Variants in QTRT2 observed in about 807,000 individuals in gnomAD.
QTRT2 encodes queuine tRNA-ribosyltransferase accessory subunit 2.
QTRT2 carries 32 observed loss-of-function variants against 44.8 expected under a neutral mutation model. The ratio of observed to expected loss-of-function variants is 0.71; its 90% CI spans 0.54 to 0.96. The LOEUF is 0.96. Ranked by LOEUF, QTRT2 falls within the 40% of genes least tolerant of loss-of-function variation. QTRT2 has a pLI of 0.00. For missense variants in QTRT2, 461 were observed against 503.1 expected (o/e 0.92, Z 0.80); for synonymous variants, 182 against 187.4 (o/e 0.97, Z 0.24).
chr3:114,079,896 A>T lies in QTRT2; in HGVS notation c.747-10A>T, dbSNP rs776790290. ...TCCTCATGTCACTGTTCTTATTCTTACTTTTACAGGCTCATATCTGGTGTT... is the reference window on the plus strand; with the variant it reads ...TCCTCATGTCACTGTTCTTATTCTTTCTTTTACAGGCTCATATCTGGTGTT... On this transcript the variant is annotated splice_polypyrimidine_tract_variant and intron_variant, in intron 7 of 9. Coordinates refer to ENST00000281273, the MANE Select transcript of QTRT2 (RefSeq NM_024638.4). 32 of 1,612,110 alleles carry T rather than the reference A, an allele frequency of 2.0e-5. No individual in the cohort carries two copies. The highest frequency in any genetic ancestry group is 2.4e-5 in the Non-Finnish European group (28 of 1,178,924).
In QTRT2 at chr3:114,070,942, C is replaced by A; in HGVS notation, c.546+104C>A. 3.7e-6 allele frequency: 3 copies of A among 804,732 alleles called. No individual in the cohort carries two copies. In the South Asian group the frequency reaches 5.0e-5, roughly 14 times the overall value. The allele number at this position is 804,732 out of a possible 1,614,324, so 49.8% of individuals were successfully genotyped here. ...CTTCCTCCTACTGCTGTGCTCCTCACTTCTTTGTCTATTTTACTCTCTATT... is the reference window on the plus strand; with the variant it reads ...CTTCCTCCTACTGCTGTGCTCCTCAATTCTTTGTCTATTTTACTCTCTATT... On this transcript the variant is annotated intron_variant, in intron 6 of 9. Transcript: ENST00000281273.
intron 7 of QTRT2, chr3:114,078,127 A>G (rs1273055848): frequency 6.6e-6 from 1 of 152,268 alleles, no homozygotes; most frequent in African/African-American, 2.4e-5. Flanking sequence ...CCATCACCTT[A>G]GCCAGCCTTT....
intron 9 of QTRT2, among the ~76,000 whole-genome samples, chr3:114,083,293 TTGTTGTTGC>T (rs1317234586): frequency 3.7e-5 from 5 of 133,676 alleles, no homozygotes; most frequent in Admixed American, 8.0e-5. Flanking sequence ...GTTGCTGTTG[TTGTTGTTGC>T]TGTTGCTGCT....
At position 114,076,750 on chromosome 3, in the gene QTRT2, A is replaced by G. The variant is rs1012248841; in HGVS notation, c.554A>G (p.Gln185Arg). The G allele has an allele frequency of 6.2e-7, 1 of 1,614,102 alleles. No homozygotes were observed. Among genetic ancestry groups the G allele is most frequent in the Non-Finnish European group, 8.5e-7 (1 of 1,179,932 alleles). Residue 185 changes from glutamine (Q) to arginine (R), a missense_variant, in exon 7 of 10, where the codon CAG (glutamine) becomes CGG (arginine). Transcript: ENST00000281273. ...LRLQEESEVL[Q>R]KSVIIGVIEG... ...TCATCCTTCTTACCTCAGGTTCTTC[A>G]GAAGAGTGTGATCATTGGAGTGATT...
chr3:114,067,137 CA>C (rs1324182423), intron 4 of QTRT2, among the ~76,000 whole-genome samples: 9 of 152,100 alleles, frequency 5.9e-5, no homozygotes, highest in Non-Finnish European at 1.0e-4. Flanking sequence ...TTGGTTATCA[CA>C]AAGCCCTGTA....
intron 5 of QTRT2, among the ~76,000 whole-genome samples, 180 bp from the exon 6 acceptor site, chr3:114,070,446 T>C (rs2077009600): frequency 6.6e-6 from 1 of 152,072 alleles, no homozygotes; most frequent in Non-Finnish European, 1.5e-5. Flanking sequence ...AAAAGTTGTC[T>C]TATATGACCA....
chr3:114,064,208 C>G (rs750261852), intron 2 of QTRT2, among the ~76,000 whole-genome samples: 1 of 151,742 alleles, frequency 6.6e-6, no homozygotes, highest in African/African-American at 2.4e-5. Context: ...GAGCGAGATT[C>G]TGTGTCCAAA....
Position 114,068,920 on chromosome 3 carries a change from A to G in QTRT2, c.333+857A>G, listed in dbSNP as rs150561578. ...AAAAATTAGCCAGGTGTGGTGGCAC[A>G]CGCCTATAATCCCAGCTACTTGGGA... is the stretch of plus-strand genomic sequence containing the variant. On this transcript the variant is annotated intron_variant, in intron 5 of 9. Transcript: ENST00000281273. Among the ~76,000 whole-genome samples, 1,283 of 152,236 alleles carry G rather than the reference A, an allele frequency of 8.4e-3. 17 individuals carry two copies. Among genetic ancestry groups the G allele is most frequent in the Non-Finnish European group, 0.01 (704 of 68,006 alleles).
At chr3:114,084,319 G>T (rs1190889972) in intron 9 of QTRT2, among the ~76,000 whole-genome samples, 3 of 152,058 alleles carry the variant, frequency 2.0e-5, no homozygotes, top group East Asian at 1.9e-4. Context: ...TTTAATAGTT[G>T]ATTAAAGGTA....
At position 114,068,020 on chromosome 3, in the gene QTRT2, A is replaced by C. The variant is rs781048404; in HGVS notation, c.290A>C (p.His97Pro). 6.2e-7 allele frequency: 1 copy of C among 1,613,918 alleles called. No homozygotes were observed. The highest frequency in any genetic ancestry group is 1.1e-5 in the South Asian group (1 of 91,070). Residue 97 changes from histidine (H) to proline (P), a missense_variant, in exon 5 of 10, where the codon CAC (histidine) becomes CCC (proline). Physicochemically the swap from His to Pro is moderately conservative, Grantham distance 77. Coordinates refer to ENST00000281273, the MANE Select transcript of QTRT2 (RefSeq NM_024638.4). ...MPESLLYCSL[H>P]DPVSPCPAGY... ...GAATCACTCTTGTACTGCTCCCTGC[A>C]CGATCCAGTCAGCCCCTGCCCGGCT...
intron 8 of QTRT2, 40 bp from the exon 9 acceptor site, chr3:114,082,637 C>A (rs774798670): frequency 2.5e-6 from 2 of 785,160 alleles, no homozygotes; most frequent in South Asian, 1.7e-5. Context: ...CACTTCTTAT[C>A]TGATCATCAT....
Position 114,065,808 on chromosome 3 carries a change from A to G in QTRT2, c.200+351A>G, listed in dbSNP as rs192991161. ...CTCAAAGTTTTTTCTGCCTTTGCACATATACTTGCTAATACTACTTTATGG... is the reference window on the plus strand; with the variant it reads ...CTCAAAGTTTTTTCTGCCTTTGCACGTATACTTGCTAATACTACTTTATGG... On this transcript the variant is annotated intron_variant, in intron 3 of 9. Coordinates refer to ENST00000281273, the MANE Select transcript of QTRT2 (RefSeq NM_024638.4). 2.1e-3 allele frequency among the ~76,000 whole-genome samples: 311 copies of G among 150,912 alleles called. 16 individuals are homozygous for G. The highest frequency in any genetic ancestry group is 0.02 in the Admixed American group (304 of 15,262).
chr3:114,066,204 T>A (rs772125337), intron 3 of QTRT2, 24 bp from the exon 4 acceptor site: 1 of 1,537,164 alleles, frequency 6.5e-7, no homozygotes, highest in Non-Finnish European at 9.0e-7. Flanking sequence ...TATTATGTTA[T>A]GTATTTTTCT....
intron 2 of QTRT2, among the ~76,000 whole-genome samples, chr3:114,064,012 C>T (rs1425055667): frequency 2.0e-5 from 3 of 151,906 alleles, no homozygotes; most frequent in South Asian, 2.1e-4. Context: ...GTCAGGAGTT[C>T]GAGACCAGCC....
intron 7 of QTRT2, chr3:114,077,244 A>G (rs1229476014): frequency 6.6e-6 from 2 of 304,086 alleles, no homozygotes; most frequent in Non-Finnish European, 1.2e-5. Flanking sequence ...AATTACAAAT[A>G]TTGTTGTTAT....
chr3:114,065,510 C>A, intron 3 of QTRT2, 53 bp downstream of exon 3: 2 of 1,340,896 alleles, frequency 1.5e-6, no homozygotes, highest in Non-Finnish European at 2.1e-6. Context: ...AGCTTAGTTA[C>A]CTTAGGTGCA....
rs112145055 is a variant in QTRT2, at chr3:114,069,292, T to C, written c.333+1229T>C. Among the ~76,000 whole-genome samples the C allele has an allele frequency of 5.1e-3, 780 of 152,286 alleles. 9 individuals are homozygous for C. Among genetic ancestry groups the C allele is most frequent in the African/African-American group, 0.017 (707 of 41,550 alleles). ...GGGGGTACGTGTAAACATTGTTACA[T>C]AGGTAAATTTGTGTCATGGGGGTTT... On this transcript the variant is annotated intron_variant, in intron 5 of 9. Coordinates refer to ENST00000281273, the MANE Select transcript of QTRT2 (RefSeq NM_024638.4).
chr3:114,072,367 G>T (rs1332762157), intron 6 of QTRT2, among the ~76,000 whole-genome samples: 1 of 152,102 alleles, frequency 6.6e-6, no homozygotes, highest in Non-Finnish European at 1.5e-5. Flanking sequence ...TGGTCAGACT[G>T]GTCTTGAACT....
intron 9 of QTRT2, among the ~76,000 whole-genome samples, chr3:114,083,287 C>CTGT (rs1207398579): frequency 1.4e-5 from 2 of 144,680 alleles, no homozygotes; most frequent in South Asian, 2.3e-4. Flanking sequence ...GTTGTTGTTG[C>CTGT]TGTTGTTGTT....
Sources: gnomAD v4.1 joint callset for allele counts (sites outside exome capture counted in the v4.1 genomes callset) on GRCh38, gnomAD v4.1.1 for gene constraint, MANE v1.5 for transcripts, NCBI Gene and HGNC (gene_info 2026-07-23, HGNC 2026-07-21) for gene names.